The following MYADM variants were observed in gnomAD, a reference collection of about 807,000 sequenced individuals.
The protein encoded by MYADM is myeloid associated differentiation marker, also known as myeloid-associated differentiation marker.
For missense variants in MYADM, 416 were observed against 443.4 expected, an observed-to-expected ratio of 0.94 and a Z score of 0.56; for synonymous variants, 224 against 210.2, an observed-to-expected ratio of 1.07 and a Z score of -0.57.
Position 53,875,710 on chromosome 19 carries a change from G to T in MYADM, c.*1212G>T, listed in dbSNP as rs1312198709. The T allele has an allele frequency of 2.6e-5, 4 of 153,518 alleles. No individual in the cohort carries two copies. Among genetic ancestry groups the T allele is most frequent in the Non-Finnish European group, 5.9e-5 (4 of 68,048 alleles). 9.5% of individuals were successfully genotyped at this position (153,518 alleles called of 1,614,324 possible). A position where few individuals can be genotyped will look rare whatever the true frequency, so the allele number is the denominator to read the frequency against. On this transcript the variant is annotated 3_prime_UTR_variant, in exon 3 of 3. Transcript: ENST00000391770. ...TTAAAAATACAAAAATTAGCCGGGCGTGGTGGCGGGCGCCTGTAATCCCAG... is the reference window on the plus strand; with the variant it reads ...TTAAAAATACAAAAATTAGCCGGGCTTGGTGGCGGGCGCCTGTAATCCCAG...
Position 53,873,793 on chromosome 19 carries a change from C to A in MYADM, c.264C>A (p.Cys88Ter). 6.2e-7 allele frequency: 1 copy of A among 1,613,764 alleles called. No individual in the cohort carries two copies. The highest frequency in any genetic ancestry group is 8.5e-7 in the Non-Finnish European group (1 of 1,180,030). The change falls in exon 3 of 3, where the codon TGC becomes TGA. Residue 88 changes from cysteine (C) to a stop codon, truncating the protein, a stop_gained. Transcript: ENST00000391770. LOFTEE classifies it low-confidence loss of function (END_TRUNC). This position sits in a 1 kb window ranked among gnomAD's most constrained non-coding sequence, Gnocchi z 4.3. ...VTLIILIVEL[C>*]GLQARFPLSW... ...TGATCATCCTCATCGTGGAGCTGTG[C>A]GGGCTCCAGGCCCGCTTCCCCCTGT...
chr19:53,874,725 T>G lies in MYADM; in HGVS notation c.*227T>G. On this transcript the variant is annotated 3_prime_UTR_variant, in exon 3 of 3. Transcript: ENST00000391770. ...CTGTTTCCTTCCTGTGTTGTTTTGTTGCCCACATCCTGTTTTCACCCCTGA... is the reference window on the plus strand; with the variant it reads ...CTGTTTCCTTCCTGTGTTGTTTTGTGGCCCACATCCTGTTTTCACCCCTGA... The G allele has an allele frequency of 2.2e-6, 1 of 448,842 alleles. No homozygotes were observed. The highest frequency in any genetic ancestry group is 4.0e-6 in the Non-Finnish European group (1 of 248,744). The allele number at this position is 448,842 out of a possible 1,614,324, so 27.8% of individuals were successfully genotyped here. A position where few individuals can be genotyped will look rare whatever the true frequency, so the allele number is the denominator to read the frequency against.
rs2068297717 is a variant in MYADM at position 53,868,872 on chromosome 19, C to T, written c.-87-882C>T. On this transcript the variant is annotated intron_variant, in intron 1 of 2. Transcript: ENST00000391770. This position sits in a 1 kb window ranked among gnomAD's most constrained non-coding sequence, Gnocchi z 6.3. Reference sequence around the variant, plus strand: ...TCCCCTCCCCTCCCCTCGGCGCGCCCCCCTCCCCTGCGCGCCCCCCTCCGC... The same window carrying T: ...TCCCCTCCCCTCCCCTCGGCGCGCCTCCCTCCCCTGCGCGCCCCCCTCCGC... The T allele has an allele frequency of 6.6e-6, 1 of 151,764 alleles. No individual in the cohort carries two copies. Among genetic ancestry groups the T allele is most frequent in the African/African-American group, 2.4e-5 (1 of 41,188 alleles). 9.4% of individuals were successfully genotyped at this position (151,764 alleles called of 1,614,324 possible). A position where few individuals can be genotyped will look rare whatever the true frequency, so the allele number is the denominator to read the frequency against.
At chr19:53,866,394 C>A (rs1009825896), upstream of MYADM, 1 of 152,178 alleles carries the variant, frequency 6.6e-6, no homozygotes, top group Non-Finnish European at 1.5e-5. This position sits in a 1 kb window ranked among gnomAD's most constrained non-coding sequence, Gnocchi z 4.3. Flanking sequence ...AGCCAGGCCG[C>A]GCCCGGGACG....
In MYADM at chr19:53,874,025, A is replaced by G. The variant is rs1355205330; in HGVS notation, c.496A>G (p.Thr166Ala). ...AWTRARPGEI[T>A]GYMATVPGLL... ...GACCCGGGCCCGGCCCGGCGAGATCACTGGCTATATGGCCACCGTACCCGG... is the reference window on the plus strand; with the variant it reads ...GACCCGGGCCCGGCCCGGCGAGATCGCTGGCTATATGGCCACCGTACCCGG... Residue 166 changes from threonine to alanine, a missense_variant, in exon 3 of 3, where the codon ACT becomes GCT. Coordinates refer to ENST00000391770, the MANE Select transcript of MYADM (RefSeq NM_138373.5). 1 of 1,608,930 alleles carries G rather than the reference A, an allele frequency of 6.2e-7. No homozygotes were observed. The highest frequency in any genetic ancestry group is 1.7e-5 in the Admixed American group (1 of 60,018).
At position 53,873,980 on chromosome 19, in the gene MYADM, T is replaced by TA. The variant is rs1450735558; in HGVS notation, c.452dup (p.Tyr151Ter). The TA allele has an allele frequency of 6.2e-7, 1 of 1,609,286 alleles. No individual in the cohort carries two copies. Among genetic ancestry groups the TA allele is most frequent in the Non-Finnish European group, 8.5e-7 (1 of 1,180,008 alleles). ...CTTCTCCTGCATCGCGTGTGTGGCT[T>TA]ACGCCACCGAAGTGGCCTGGACCCG... ...TFFSCIACVAYATEVAWTRAR... is the reference protein window; with the variant it reads ...TFFSCIACVA Residue 151 changes from tyrosine to a stop codon, truncating the protein, a stop_gained and frameshift_variant, in exon 3 of 3, where the codon TAC becomes TAAC. Coordinates refer to ENST00000391770, the MANE Select transcript of MYADM (RefSeq NM_138373.5). LOFTEE classifies it low-confidence loss of function (END_TRUNC). The surrounding 1 kb of genome is among the most constrained non-coding windows in gnomAD (Gnocchi z 4.3).
chr19:53,867,493 G>T (rs552106600), upstream of MYADM, among the ~76,000 whole-genome samples: 2 of 152,144 alleles, frequency 1.3e-5, no homozygotes, highest in South Asian at 4.1e-4. Context: ...ACCTGAGCTG[G>T]GGGGCTCTGC....
Position 53,868,649 on chromosome 19 carries a change from C to G in MYADM, c.-88+706C>G, listed in dbSNP as rs1311533585. ...GAGCCGAAGCTGGGGTTCCGGGGCC[C>G]GATTCTCAGCGTGAGCGATGGGTGT... On this transcript the variant is annotated intron_variant, in intron 1 of 2. Coordinates refer to ENST00000391770, the MANE Select transcript of MYADM (RefSeq NM_138373.5). The surrounding 1 kb of genome is among the most constrained non-coding windows in gnomAD (Gnocchi z 6.3). Among the ~76,000 whole-genome samples, 3 of 151,982 alleles carry G rather than the reference C, an allele frequency of 2.0e-5. No homozygotes were observed. Among genetic ancestry groups the G allele is most frequent in the Non-Finnish European group, 4.4e-5 (3 of 67,976 alleles).
rs1451207290 is a variant in MYADM, at chr19:53,873,625, G to C, written c.96G>C (p.Leu32=). The C allele has an allele frequency of 2.5e-6, 4 of 1,614,060 alleles. No homozygotes were observed. The highest frequency in any genetic ancestry group is 3.4e-6 in the Non-Finnish European group (4 of 1,180,050). ...SPMIVGSPRA[L]TQPLGLLRLL... Reference sequence around the variant, plus strand: ...TGATCGTGGGGTCCCCTCGGGCCCTGACACAGCCCCTGGGTCTCCTTCGCC... The same window carrying C: ...TGATCGTGGGGTCCCCTCGGGCCCTCACACAGCCCCTGGGTCTCCTTCGCC... The change falls in exon 3 of 3, where the codon CTG becomes CTC. Residue 32 remains leucine, a synonymous_variant. Coordinates refer to ENST00000391770, the MANE Select transcript of MYADM (RefSeq NM_138373.5). The surrounding 1 kb of genome is among the most constrained non-coding windows in gnomAD (Gnocchi z 4.3).
Position 53,873,232 on chromosome 19 carries a change from C to T in MYADM, c.-2-296C>T, listed in dbSNP as rs865781100. Among the ~76,000 whole-genome samples, 4 of 152,092 alleles carry T rather than the reference C, an allele frequency of 2.6e-5. No individual in the cohort carries two copies. The highest frequency in any genetic ancestry group is 2.6e-4 in the Admixed American group (4 of 15,262). On this transcript the variant is annotated intron_variant, in intron 2 of 2. Transcript: ENST00000391770. The surrounding 1 kb of genome is among the most constrained non-coding windows in gnomAD (Gnocchi z 4.3). ...TAAAAATACAAAAAAATTAGCCGGGCGTGGTGGCACATGCCTGTAATCTCA... is the reference window on the plus strand; with the variant it reads ...TAAAAATACAAAAAAATTAGCCGGGTGTGGTGGCACATGCCTGTAATCTCA...
chr19:53,865,729 G>C (rs1314931718), upstream of MYADM: 2 of 152,240 alleles, frequency 1.3e-5, no homozygotes, highest in African/African-American at 4.8e-5. Flanking sequence ...GAATAACACA[G>C]TAAGTTGTGT....
At chr19:53,871,495 C>A (rs1190761880) in intron 2 of MYADM, among the ~76,000 whole-genome samples, 2 of 152,100 alleles carry the variant, frequency 1.3e-5, no homozygotes, top group Non-Finnish European at 2.9e-5. Flanking sequence ...GTGAAGGTTG[C>A]TAATCTCCAA....
rs187011408 is a variant in MYADM, at chr19:53,870,048, T to C, written c.-3+210T>C. On this transcript the variant is annotated intron_variant, in intron 2 of 2. Transcript: ENST00000391770. The stretch of plus-strand genomic sequence containing the variant: ...GGTCCGAGGGAGGAGGGGCTGGGGG[T>C]CTGGACTCCGGGGTCCGAGGGAGGA... Among the ~76,000 whole-genome samples the C allele has an allele frequency of 6.2e-3, 173 of 27,912 alleles. 14 individuals are homozygous for C. The highest frequency in any genetic ancestry group is 0.023 in the African/African-American group (84 of 3,604). 18.3% of individuals were successfully genotyped at this position (27,912 alleles called of 152,430 possible).
Position 53,873,474 on chromosome 19 carries a change from C to T in MYADM, c.-2-54C>T. 1 of 1,524,908 alleles carries T rather than the reference C, an allele frequency of 6.6e-7. No individual in the cohort carries two copies. 94.5% of individuals were successfully genotyped at this position (1,524,908 alleles called of 1,614,324 possible). A position where few individuals can be genotyped will look rare whatever the true frequency, so the allele number is the denominator to read the frequency against. On this transcript the variant is annotated intron_variant, in intron 2 of 2. Transcript: ENST00000391770. This position sits in a 1 kb window ranked among gnomAD's most constrained non-coding sequence, Gnocchi z 4.3. ...CTGGGGTAGGCAATGGCTAAGGGAC[C>T]TGGATTCTTATGTTTGTGACTGTAT...
rs1300007249 is a variant in MYADM, at chr19:53,873,248, T to C, written c.-2-280T>C. 6.6e-6 allele frequency among the ~76,000 whole-genome samples: 1 copy of C among 152,160 alleles called. No individual in the cohort carries two copies. The highest frequency in any genetic ancestry group is 1.5e-5 in the Non-Finnish European group (1 of 68,042). On this transcript the variant is annotated intron_variant, in intron 2 of 2. Coordinates refer to ENST00000391770, the MANE Select transcript of MYADM (RefSeq NM_138373.5). The surrounding 1 kb of genome is among the most constrained non-coding windows in gnomAD (Gnocchi z 4.3). ...TTAGCCGGGCGTGGTGGCACATGCC[T>C]GTAATCTCAGCTACTCGGGAGGCTG...
Position 53,874,411 on chromosome 19 carries a change from G to T in MYADM, c.882G>T (p.Leu294=). The stretch of plus-strand genomic sequence containing the variant: ...ACGTGTGTGCCTGGGACCGCCGACT[G>T]GCTGTGGCCATCCTGACGGCCATCA... ...AYYVCAWDRR[L]AVAILTAINL... The change falls in exon 3 of 3, where the codon CTG becomes CTT. Residue 294 remains leucine (L), a synonymous_variant. Transcript: ENST00000391770. 6.2e-7 allele frequency: 1 copy of T among 1,614,212 alleles called. No homozygotes were observed. The highest frequency in any genetic ancestry group is 8.5e-7 in the Non-Finnish European group (1 of 1,180,016).
chr19:53,871,003 G>A (rs927026257), intron 2 of MYADM, among the ~76,000 whole-genome samples: 5 of 152,338 alleles, frequency 3.3e-5, no homozygotes, highest in South Asian at 2.1e-4. Context: ...GGCCAAGGCG[G>A]GCGGATCACT....
At chr19:53,866,656 C>A (rs1248843321), upstream of MYADM, among the ~76,000 whole-genome samples, 4 of 149,700 alleles carry the variant, frequency 2.7e-5, no homozygotes, top group African/African-American at 1.0e-4. This position sits in a 1 kb window ranked among gnomAD's most constrained non-coding sequence, Gnocchi z 4.3. Context: ...GAATCCAGAG[C>A]CCCAAGCCCC....
Position 53,873,892 on chromosome 19 carries a change from C to A in MYADM, c.363C>A (p.Pro121=). Residue 121 remains proline (P), a synonymous_variant, in exon 3 of 3, where the codon CCC becomes CCA. Transcript: ENST00000391770. The surrounding 1 kb of genome is among the most constrained non-coding windows in gnomAD (Gnocchi z 4.3). ...GCCTCTCGGCCTCCATCATCTACCC[C>A]ACCACCTATGTCCAGTTCCTGTCCC... ...LFCLSASIIY[P]TTYVQFLSHG... is the part of the protein sequence containing the mutation. 1 of 1,613,142 alleles carries A rather than the reference C, an allele frequency of 6.2e-7. No homozygotes were observed. Among genetic ancestry groups the A allele is most frequent in the African/African-American group, 1.3e-5 (1 of 75,080 alleles).
Sources: gnomAD v4.1 joint callset for allele counts (sites outside exome capture counted in the v4.1 genomes callset) on GRCh38, gnomAD v4.1.1 for gene constraint, Gnocchi (gnomAD v3.1) non-coding constraint, MANE v1.5 for transcripts, NCBI Gene and HGNC (gene_info 2026-07-23, HGNC 2026-07-21) for gene names.